Variants in ZEB1 observed in about 807,000 individuals in gnomAD.
ZEB1 encodes the protein zinc finger E-box-binding homeobox 1.
Under a neutral mutation model 84.9 loss-of-function variants are expected in ZEB1, and 21 were observed. That is an observed-to-expected ratio of 0.25 (90% CI 0.18 to 0.36). The LOEUF is 0.36. ZEB1 is among the 10% of genes least tolerant of loss of function. ZEB1 has a pLI of 1.00. For missense variants in ZEB1, 1,104 were observed against 1,330.2 expected (o/e 0.83, Z 2.65); for synonymous variants, 420 against 471.1 (o/e 0.89, Z 1.41).
chr10:31,513,757 G>T lies in ZEB1; in HGVS notation c.688-846G>T, dbSNP rs2070545735. Among the ~76,000 whole-genome samples the T allele has an allele frequency of 2.6e-5, 4 of 152,286 alleles. No homozygotes were observed. In the South Asian group the frequency reaches 8.3e-4, roughly 32 times the overall value. The stretch of plus-strand genomic sequence containing the variant: ...AACCAAAGCCAAAAGATAAAGAGGA[G>T]CAATATGTGTGCAGAAAACCATGGC... On this transcript the variant is annotated intron_variant, in intron 5 of 8. Transcript: ENST00000424869.
chr10:31,407,904 C>G (rs1281304603), intron 1 of ZEB1, among the ~76,000 whole-genome samples: 1 of 148,674 alleles, frequency 6.7e-6, no homozygotes, highest in African/African-American at 2.5e-5. Context: ...GGCAATTAGG[C>G]AGGAGAAGGA....
chr10:31,482,092 A>C (rs2065117752), intron 2 of ZEB1, among the ~76,000 whole-genome samples: 1 of 152,070 alleles, frequency 6.6e-6, no homozygotes, highest in Non-Finnish European at 1.5e-5. Context: ...GGTGTGGAAA[A>C]ATAAACCTGG....
chr10:31,431,617 A>G (rs1170228931), intron 1 of ZEB1, among the ~76,000 whole-genome samples: 3 of 152,224 alleles, frequency 2.0e-5, no homozygotes, highest in Non-Finnish European at 4.4e-5. Flanking sequence ...TCAAAAAGTT[A>G]GAAACCCTAC....
intron 7 of ZEB1, among the ~76,000 whole-genome samples, chr10:31,523,114 T>G (rs891551707): frequency 6.6e-6 from 1 of 152,188 alleles, no homozygotes; most frequent in African/African-American, 2.4e-5. Flanking sequence ...TAAGAAATGT[T>G]GTGAAAAACC....
intron 1 of ZEB1, among the ~76,000 whole-genome samples, chr10:31,391,817 C>T (rs539232871): frequency 6.6e-6 from 1 of 152,034 alleles, no homozygotes; most frequent in Admixed American, 6.6e-5. Context: ...CTGTTGAATC[C>T]CCTAAAATTA....
intron 1 of ZEB1, among the ~76,000 whole-genome samples, chr10:31,401,110 A>T (rs982349581): frequency 1.3e-5 from 2 of 152,162 alleles, no homozygotes; most frequent in Non-Finnish European, 2.9e-5. Context: ...CATTTGCCTA[A>T]ATTATTTCCT....
Position 31,447,781 on chromosome 10 carries a change from A to C in ZEB1, c.59-13256A>C, listed in dbSNP as rs878872218. On this transcript the variant is annotated intron_variant, in intron 1 of 8. Coordinates refer to ENST00000424869, the MANE Select transcript of ZEB1 (RefSeq NM_001174096.2). ...CTTGTAGGGTTTCTGCCGAGAGATC[A>C]GCTGTTAGTCTGATGGGCTTCCCTT... Among the ~76,000 whole-genome samples the C allele has an allele frequency of 4.8e-3, 732 of 151,812 alleles. 8 individuals are homozygous for C. The highest frequency in any genetic ancestry group is 6.8e-3 in the African/African-American group (280 of 41,450).
intron 1 of ZEB1, among the ~76,000 whole-genome samples, chr10:31,356,618 C>T (rs548953600): frequency 6.6e-6 from 1 of 152,256 alleles, no homozygotes; most frequent in East Asian, 1.9e-4. Flanking sequence ...TGGAAACAGA[C>T]TTCACAGAAT....
chr10:31,324,845 G>T (rs117736819), intron 1 of ZEB1, among the ~76,000 whole-genome samples: 5,053 of 152,034 alleles, frequency 0.033, 117 homozygotes, highest in South Asian at 0.066. Flanking sequence ...CATTCAACTA[G>T]ATATGAACTA....
intron 1 of ZEB1, among the ~76,000 whole-genome samples, chr10:31,418,231 A>T (rs978126436): frequency 3.9e-5 from 6 of 151,900 alleles, no homozygotes; most frequent in Non-Finnish European, 7.4e-5. Context: ...AGAGGAAGGG[A>T]TGGCTAAACA....
At chr10:31,438,156 C>T (rs932162113) in intron 1 of ZEB1, among the ~76,000 whole-genome samples, 1 of 152,168 alleles carries the variant, frequency 6.6e-6, no homozygotes, top group African/African-American at 2.4e-5. Context: ...TCCCTCCTGG[C>T]GTCTGTGCAG....
chr10:31,338,353 C>T (rs957291821), intron 1 of ZEB1, among the ~76,000 whole-genome samples: 1 of 152,098 alleles, frequency 6.6e-6, no homozygotes, highest in Non-Finnish European at 1.5e-5. Context: ...AAAGATCCTG[C>T]TATCTTTGAT....
chr10:31,470,574 A>G (rs1210355128), intron 2 of ZEB1, among the ~76,000 whole-genome samples: 7 of 136,378 alleles, frequency 5.1e-5, no homozygotes, highest in Non-Finnish European at 9.5e-5. Context: ...GAAAAGACCA[A>G]ATCTACATCT....
At chr10:31,341,944 T>C (rs2039452246) in intron 1 of ZEB1, among the ~76,000 whole-genome samples, 1 of 152,208 alleles carries the variant, frequency 6.6e-6, no homozygotes, top group African/African-American at 2.4e-5. Context: ...TACCAGATGG[T>C]ACAGTAAAAG....
chr10:31,494,421 T>C (rs910031553), intron 2 of ZEB1, among the ~76,000 whole-genome samples: 5 of 152,056 alleles, frequency 3.3e-5, no homozygotes, highest in Admixed American at 6.6e-5. Context: ...TGTACTAGTA[T>C]GAAAGTTAAT....
chr10:31,351,884 C>G (rs949921420), intron 1 of ZEB1, among the ~76,000 whole-genome samples: 6 of 152,226 alleles, frequency 3.9e-5, no homozygotes, highest in African/African-American at 1.4e-4. Context: ...TAGTATTTTG[C>G]TGGTATACTG....
chr10:31,467,746 A>G (rs1264757460), intron 2 of ZEB1, among the ~76,000 whole-genome samples: 1 of 152,062 alleles, frequency 6.6e-6, no homozygotes, highest in Non-Finnish European at 1.5e-5. Context: ...CCACTGTCAG[A>G]ACACAGGGAA....
chr10:31,526,643 T>C, intron 8 of ZEB1, 29 bp from the exon 9 acceptor site: 1 of 1,611,092 alleles, frequency 6.2e-7, no homozygotes, highest in Non-Finnish European at 8.5e-7. Flanking sequence ...AATACCACCA[T>C]TTTATTTAAC....
Position 31,389,199 on chromosome 10 carries a change from T to C in ZEB1, c.58+69907T>C, listed in dbSNP as rs1487056942. On this transcript the variant is annotated intron_variant, in intron 1 of 8. Transcript: ENST00000424869. The stretch of plus-strand genomic sequence containing the variant: ...CTTAACAATTCTTATTAATAACTTA[T>C]CCATCTCAATTCATAGGAGGTGACA... Among the ~76,000 whole-genome samples, 22 of 152,106 alleles carry C rather than the reference T, an allele frequency of 1.4e-4. 1 individual carries two copies. Among genetic ancestry groups the C allele is most frequent in the Admixed American group, 1.4e-3 (22 of 15,256 alleles).
Sources: allele counts gnomAD v4.1 joint callset (sites outside exome capture counted in the v4.1 genomes callset), GRCh38; gene constraint gnomAD v4.1.1; transcripts MANE v1.5; gene names NCBI Gene and HGNC (gene_info 2026-07-23, HGNC 2026-07-21).